TEAD3: variants seen among roughly 807,000 people sequenced by gnomAD.
The protein encoded by TEAD3 is transcriptional enhancer factor TEF-5.
Under a neutral mutation model 55.6 loss-of-function variants are expected in TEAD3, and 15 were observed. The ratio of observed to expected loss-of-function variants is 0.27; its 90% confidence interval spans 0.18 to 0.42. The LOEUF (loss-of-function observed/expected upper bound fraction) is 0.42, where lower values mean the gene tolerates loss of function less well. Among genes scored for constraint, TEAD3 ranks in the 10% least tolerant of loss-of-function variants. The pLI is 1.00. For missense variants in TEAD3, 407 were observed against 576.8 expected (o/e 0.71, Z 3.01); for synonymous variants, 210 against 232.2 (o/e 0.90, Z 0.87).
Position 35,483,657 on chromosome 6 carries a change from T to C in TEAD3, c.267+903A>G, listed in dbSNP as rs1768308086. ...CATTGTCCCGGCTGCTTGAGGGCCT[T>C]CCTCAACAGCTGCCACCTGTCACTC... On this transcript the variant is annotated intron_variant, in intron 3 of 12. Coordinates refer to ENST00000639578, the Ensembl canonical transcript of TEAD3. The surrounding 1 kb of genome is among the most constrained non-coding windows in gnomAD (Gnocchi z 4.5). Among the ~76,000 whole-genome samples, 1 of 152,080 alleles carries C rather than the reference T, an allele frequency of 6.6e-6. No homozygotes were observed.
chr6:35,475,625 T>C lies in TEAD3; in HGVS notation c.982A>G (p.Thr328Ala). The C allele has an allele frequency of 6.2e-7, 1 of 1,613,614 alleles. No homozygotes were observed. The highest frequency in any genetic ancestry group is 8.5e-7 in the Non-Finnish European group (1 of 1,179,650). The change falls in exon 11 of 13, where the codon ACC (threonine) becomes GCC (alanine). Residue 328 changes from threonine (T) to alanine (A), a missense_variant. By Grantham distance (58) the Thr-to-Ala change is moderately conservative. Transcript: ENST00000639578. This position sits in a 1 kb window ranked among gnomAD's most constrained non-coding sequence, Gnocchi z 5.4. ...CACACCTTGGTGGAGACGCTGATGG[T>C]CATGCTATCAGCAGAGCTGTACTGA... is the stretch of plus-strand genomic sequence containing the variant.
chr6:35,474,114 C>G (rs1043424655), downstream of TEAD3: 1 of 152,218 alleles, frequency 6.6e-6, no homozygotes, highest in African/African-American at 2.4e-5. Context: ...GCTACTCTCT[C>G]CCTCTGGGCC....
chr6:35,484,476 TG>T lies in TEAD3; in HGVS notation c.267+83del. ...CAGGTCAGGGGCAGCCTCGAGGAGGTGGGCAGGGTAGGGGCAAGGGGTTGAC... is the reference window on the plus strand; with the variant it reads ...CAGGTCAGGGGCAGCCTCGAGGAGGTGGCAGGGTAGGGGCAAGGGGTTGAC... On this transcript the variant is annotated intron_variant, in intron 3 of 12. Transcript: ENST00000639578. This position sits in a 1 kb window ranked among gnomAD's most constrained non-coding sequence, Gnocchi z 5.8. The T allele has an allele frequency of 7.3e-7, 1 of 1,364,194 alleles. No individual in the cohort carries two copies. The highest frequency in any genetic ancestry group is 1.0e-6 in the Non-Finnish European group (1 of 979,328). 84.5% of individuals were successfully genotyped at this position (1,364,194 alleles called of 1,614,324 possible). A position where few individuals can be genotyped will look rare whatever the true frequency, so the allele number is the denominator to read the frequency against.
Position 35,486,589 on chromosome 6 carries a change from T to C in TEAD3, c.74A>G (p.Lys25Arg). The C allele has an allele frequency of 6.2e-7, 1 of 1,613,496 alleles. No homozygotes were observed. The highest frequency in any genetic ancestry group is 1.3e-5 in the African/African-American group (1 of 75,064). Residue 25 changes from lysine to arginine, a missense_variant, in exon 2 of 13, where the codon AAG becomes AGG. Physicochemically the swap from Lys to Arg is conservative, Grantham distance 26 (BLOSUM62 2). Transcript: ENST00000639578. The surrounding 1 kb of genome is among the most constrained non-coding windows in gnomAD (Gnocchi z 7.3). ...GCCCTCCGCATCGTTGTCCAGCCCC[T>C]TGTCCAGGCCCTCGGGCCCATCCTC... is the stretch of plus-strand genomic sequence containing the variant.
At position 35,496,465 on chromosome 6, in the gene TEAD3, C is replaced by G. The variant is rs1381192510; in HGVS notation, c.-50+433G>C. Among the ~76,000 whole-genome samples the G allele has an allele frequency of 9.2e-5, 14 of 152,070 alleles. No homozygotes were observed. Among genetic ancestry groups the G allele is most frequent in the Admixed American group, 6.5e-5 (1 of 15,286 alleles). ...AGGCCTGCGTGGAGCTGAGGCCGGG[C>G]GGGCTCCGGGAGCGCGCGGGCCGGG... On this transcript the variant is annotated intron_variant, in intron 1 of 12. Transcript: ENST00000639578. This position sits in a 1 kb window ranked among gnomAD's most constrained non-coding sequence, Gnocchi z 4.8.
chr6:35,474,016 T>C (rs374334389), downstream of TEAD3: 6 of 152,354 alleles, frequency 3.9e-5, no homozygotes, highest in African/African-American at 4.8e-5. Context: ...GGCAGGTAGA[T>C]TGAGGTGGGG....
At chr6:35,490,191 C>G (rs1465551979) in intron 1 of TEAD3, among the ~76,000 whole-genome samples, 1 of 152,212 alleles carries the variant, frequency 6.6e-6, no homozygotes, top group Non-Finnish European at 1.5e-5. Flanking sequence ...GGCTGTGGCC[C>G]CCCCTTCTTA....
rs1048665470 is a variant in TEAD3, at chr6:35,475,866, C to T, written c.900+53G>A. On this transcript the variant is annotated intron_variant, in intron 10 of 12. Transcript: ENST00000639578. This position sits in a 1 kb window ranked among gnomAD's most constrained non-coding sequence, Gnocchi z 5.4. ...GTCAATGCAGTGGGCCTGGATGTTGCACCTCTGGGGTGGGGAAGGGGGCTT... is the reference window on the plus strand; with the variant it reads ...GTCAATGCAGTGGGCCTGGATGTTGTACCTCTGGGGTGGGGAAGGGGGCTT... The T allele has an allele frequency of 1.6e-5, 24 of 1,501,738 alleles. No individual in the cohort carries two copies. The African/African-American group carries it at 2.8e-4, about 17-fold the overall frequency. The allele number at this position is 1,501,738 out of a possible 1,614,324, so 93.0% of individuals were successfully genotyped here.
chr6:35,493,399 G>T (rs1768573284), intron 1 of TEAD3, among the ~76,000 whole-genome samples: 1 of 152,046 alleles, frequency 6.6e-6, no homozygotes. Flanking sequence ...AGCCCTGGGG[G>T]TGTCACCCAC....
rs1194106828 is a variant in TEAD3, at chr6:35,486,907, T to C, written c.-49-196A>G. ...GCTGTGTGACCTGGGATGCACGCGC[T>C]ACTTCACCTCTCTAGGCCTCAGTCC... On this transcript the variant is annotated intron_variant, in intron 1 of 12. Coordinates refer to ENST00000639578, the Ensembl canonical transcript of TEAD3. This position sits in a 1 kb window ranked among gnomAD's most constrained non-coding sequence, Gnocchi z 7.3. Among the ~76,000 whole-genome samples the C allele has an allele frequency of 2.0e-5, 3 of 152,216 alleles. No homozygotes were observed. In the East Asian group the frequency reaches 5.8e-4, roughly 29 times the overall value.
rs1299368745 is a variant in TEAD3, at chr6:35,488,079, A to G, written c.-49-1368T>C. 6.6e-6 allele frequency among the ~76,000 whole-genome samples: 1 copy of G among 152,142 alleles called. No individual in the cohort carries two copies. Among genetic ancestry groups the G allele is most frequent in the Non-Finnish European group, 1.5e-5 (1 of 68,026 alleles). ...TTATCTTCCCCCAAATCGATAACTA[A>G]CCAGAACTCTGCCAAGGGGCCTAAT... is the stretch of plus-strand genomic sequence containing the variant. On this transcript the variant is annotated intron_variant, in intron 1 of 12. Coordinates refer to ENST00000639578, the Ensembl canonical transcript of TEAD3. This position sits in a 1 kb window ranked among gnomAD's most constrained non-coding sequence, Gnocchi z 4.2.
chr6:35,494,717 T>C (rs1768603513), intron 1 of TEAD3, among the ~76,000 whole-genome samples: 1 of 152,130 alleles, frequency 6.6e-6, no homozygotes, highest in East Asian at 1.9e-4. Flanking sequence ...CACTGAGCCC[T>C]GGGACCCCCA....
At chr6:35,489,090 T>C (rs533484923) in intron 1 of TEAD3, among the ~76,000 whole-genome samples, 1 of 152,214 alleles carries the variant, frequency 6.6e-6, no homozygotes, top group Non-Finnish European at 1.5e-5. Flanking sequence ...CAGTTAGTTA[T>C]TCAGCTATTC....
intron 1 of TEAD3, among the ~76,000 whole-genome samples, chr6:35,493,304 T>C (rs1237904037): frequency 3.2e-5 from 4 of 125,868 alleles, no homozygotes; most frequent in South Asian, 2.6e-4. Flanking sequence ...GTCTTTCTCA[T>C]TGTCTTCCAC....
In TEAD3 at chr6:35,486,695, C is replaced by T. The variant is rs1423580676; in HGVS notation, c.-33G>A. The stretch of plus-strand genomic sequence containing the variant: ...GTTGCTCTGGGCTCTGGGCCTGAGC[C>T]CACTGGGCGGCTGAGCCTGGGGGAC... On this transcript the variant is annotated 5_prime_UTR_variant, in exon 2 of 13. Coordinates refer to ENST00000639578, the Ensembl canonical transcript of TEAD3. This position sits in a 1 kb window ranked among gnomAD's most constrained non-coding sequence, Gnocchi z 7.3. 4.4e-6 allele frequency: 7 copies of T among 1,602,044 alleles called. No homozygotes were observed. The highest frequency in any genetic ancestry group is 6.0e-6 in the Non-Finnish European group (7 of 1,173,938).
chr6:35,494,429 A>G (rs913342449), intron 1 of TEAD3, among the ~76,000 whole-genome samples: 1 of 152,158 alleles, frequency 6.6e-6, no homozygotes, highest in African/African-American at 2.4e-5. Flanking sequence ...CCTTCTGCAG[A>G]CAGCCCAGGG....
At position 35,474,944 on chromosome 6, in the gene TEAD3, C is replaced by A; in HGVS notation, c.*100G>T. 4 of 1,022,128 alleles carry A rather than the reference C, an allele frequency of 3.9e-6. No individual in the cohort carries two copies. The South Asian group carries it at 6.8e-5, about 17-fold the overall frequency. The allele number at this position is 1,022,128 out of a possible 1,614,324, so 63.3% of individuals were successfully genotyped here. On this transcript the variant is annotated 3_prime_UTR_variant, in exon 13 of 13. Transcript: ENST00000639578. ...CCTGGGTCCTGGGCCTGAGGCCTGG[C>A]AGGTAGATGAATCCTCAATCCTGGA...
intron 8 of TEAD3, 68 bp downstream of exon 8, chr6:35,477,243 G>T: frequency 1.9e-6 from 3 of 1,557,158 alleles, no homozygotes; most frequent in South Asian, 1.1e-5. Context: ...AACACACACA[G>T]TTGGACCCCA....
rs761773922 is a variant in TEAD3 at position 35,475,464 on chromosome 6, C to T, written c.1066G>A (p.Gly356Arg). ...CGGTGGATACGGTACACAAAGCGCC[C>T]GTTCTCCAGCCTGGCATACTCAGTC... Residue 356 changes from glycine to arginine, a missense_variant, in exon 12 of 13, where the codon GGG becomes AGG. Physicochemically the swap from Gly to Arg is moderately radical, Grantham distance 125 (BLOSUM62 -2). Transcript: ENST00000639578. This position sits in a 1 kb window ranked among gnomAD's most constrained non-coding sequence, Gnocchi z 5.4. 1.1e-5 allele frequency: 18 copies of T among 1,613,294 alleles called. No individual in the cohort carries two copies. Among genetic ancestry groups the T allele is most frequent in the East Asian group, 4.5e-5 (2 of 44,842 alleles).
Sources: allele counts gnomAD v4.1 joint callset (sites outside exome capture counted in the v4.1 genomes callset), GRCh38; gene constraint gnomAD v4.1.1; non-coding constraint Gnocchi (gnomAD v3.1); transcripts MANE v1.5; gene names NCBI Gene and HGNC (gene_info 2026-07-23, HGNC 2026-07-21).